Variants in TGM4 observed in about 807,000 individuals in gnomAD.
The protein encoded by TGM4 is transglutaminase 4.
A neutral mutation model predicts 76.3 loss-of-function variants in TGM4; 61 were observed. The ratio of observed to expected loss-of-function variants is 0.80; its 90% CI spans 0.65 to 0.99. The LOEUF is 0.99. Ranked by LOEUF, TGM4 falls within the 50% of genes least tolerant of loss-of-function variation. The probability of loss-of-function intolerance (pLI) is 0.00; values close to 1 mark genes in which losing one functional copy is unlikely to be tolerated. For missense variants in TGM4, 794 were observed against 843.2 expected (o/e 0.94, Z 0.72); for synonymous variants, 337 against 329.8 (o/e 1.02, Z -0.24).
Position 44,898,309 on chromosome 3 carries a change from G to T in TGM4, c.657+1493G>T, listed in dbSNP as rs544399636. On this transcript the variant is annotated intron_variant, in intron 6 of 13. Coordinates refer to ENST00000296125, the MANE Select transcript of TGM4 (RefSeq NM_003241.4). ...AAAAAAAAAAAAAAAGAAGCGGGGC[G>T]GGGGCAGGAATATTCCCATAGCCTT... Among the ~76,000 whole-genome samples the T allele has an allele frequency of 4.6e-5, 7 of 151,828 alleles. No individual in the cohort carries two copies. The South Asian group carries it at 6.2e-4, about 14-fold the overall frequency.
chr3:44,907,185 T>C lies in TGM4; in HGVS notation c.1312T>C (p.Tyr438His), dbSNP rs757935268. 2 of 1,613,218 alleles carry C rather than the reference T, an allele frequency of 1.2e-6. No homozygotes were observed. Among genetic ancestry groups the C allele is most frequent in the East Asian group, 2.2e-5 (1 of 44,814 alleles). The change falls in exon 10 of 14, where the codon TAC (tyrosine) becomes CAC (histidine). Residue 438 changes from tyrosine (Y) to histidine (H), a missense_variant. Coordinates refer to ENST00000296125, the MANE Select transcript of TGM4 (RefSeq NM_003241.4). ...QDRRRDITYEYKYPEGSSEER... is the reference protein window; with the variant it reads ...QDRRRDITYEHKYPEGSSEER... ...CAGGCGGAGAGATATCACCTATGAG[T>C]ACAAGTATCCAGAAGGTGCTAGCAT...
chr3:44,911,242 C>T (rs376897738), intron 12 of TGM4, 28 bp from the exon 13 acceptor site: 3 of 1,613,612 alleles, frequency 1.9e-6, no homozygotes, highest in African/African-American at 2.7e-5. Flanking sequence ...ATCTTCTCTC[C>T]CCATCTCTCC....
intron 1 of TGM4, among the ~76,000 whole-genome samples, chr3:44,879,585 G>A (rs906520666): frequency 6.6e-5 from 10 of 150,774 alleles, no homozygotes; most frequent in Admixed American, 4.0e-4. Flanking sequence ...CCATTCTCCC[G>A]ACTCAGCCTC....
chr3:44,909,605 A>G (rs1271412702), intron 10 of TGM4, among the ~76,000 whole-genome samples: 1 of 152,148 alleles, frequency 6.6e-6, no homozygotes, highest in Non-Finnish European at 1.5e-5. Context: ...GGAACTCCAA[A>G]ACCATTCTGT....
chr3:44,908,326 T>G (rs574925682), intron 10 of TGM4, among the ~76,000 whole-genome samples: 1 of 152,292 alleles, frequency 6.6e-6, no homozygotes, highest in Non-Finnish European at 1.5e-5. Flanking sequence ...ATCCTCAGGG[T>G]TGTGTTGAAA....
intron 1 of TGM4, among the ~76,000 whole-genome samples, chr3:44,878,944 C>T (rs1699489432): frequency 6.6e-6 from 1 of 152,090 alleles, no homozygotes; most frequent in Non-Finnish European, 1.5e-5. Flanking sequence ...CCCTTTTCAT[C>T]CAAGACTCCG....
chr3:44,890,424 A>G lies in TGM4; in HGVS notation c.301-179A>G, dbSNP rs1188282436. ...CTGTATGGAGCTGCTTTTCTGTCTC[A>G]TGCATCCTGCCCTTGCAGGGGCGCT... On this transcript the variant is annotated intron_variant, in intron 3 of 13. Transcript: ENST00000296125. 23 of 774,446 alleles carry G rather than the reference A, an allele frequency of 3.0e-5. No homozygotes were observed. In the Admixed American group the frequency reaches 5.4e-4, roughly 18 times the overall value. 48.0% of individuals were successfully genotyped at this position (774,446 alleles called of 1,614,324 possible).
rs999469205 is a variant in TGM4 at position 44,875,267 on chromosome 3, G to A, written c.19+570G>A. ...GGGTTAGGCTTTGCATTCCGTTGTT[G>A]TGCCTCTTCGGTCTCCTTTGTCTGG... On this transcript the variant is annotated intron_variant, in intron 1 of 13. Coordinates refer to ENST00000296125, the MANE Select transcript of TGM4 (RefSeq NM_003241.4). 2.0e-5 allele frequency among the ~76,000 whole-genome samples: 3 copies of A among 152,190 alleles called. No individual in the cohort carries two copies. The South Asian group carries it at 6.2e-4, about 32-fold the overall frequency.
At chr3:44,875,338 T>A (rs989547610) in intron 1 of TGM4, among the ~76,000 whole-genome samples, 2 of 152,246 alleles carry the variant, frequency 1.3e-5, no homozygotes, top group African/African-American at 4.8e-5. Context: ...TCAACACTTT[T>A]GAAGAGTACA....
At chr3:44,890,480 G>T (rs1413977779) in intron 3 of TGM4, 123 bp from the exon 4 acceptor site, 17 of 1,399,588 alleles carry the variant, frequency 1.2e-5, no homozygotes, top group Non-Finnish European at 1.6e-5. Flanking sequence ...ACCATTCCTT[G>T]TCTCCAGGCT....
chr3:44,913,470 T>C, intron 13 of TGM4, 114 bp from the exon 14 acceptor site: 1 of 1,394,982 alleles, frequency 7.2e-7, no homozygotes, highest in Non-Finnish European at 9.6e-7. Context: ...GCCAGGACTT[T>C]TCAAAGAGGC....
intron 10 of TGM4, among the ~76,000 whole-genome samples, chr3:44,909,529 T>A (rs1346079314): frequency 6.6e-6 from 1 of 152,194 alleles, no homozygotes; most frequent in Non-Finnish European, 1.5e-5. Context: ...ACTCTGTGAA[T>A]GAGGGTTTCC....
At chr3:44,882,057 C>CAT (rs567107672) in intron 1 of TGM4, among the ~76,000 whole-genome samples, 1 of 104,620 alleles carries the variant, frequency 9.6e-6, no homozygotes, top group Non-Finnish European at 1.8e-5. Flanking sequence ...AATACAAACG[C>CAT]TTTTTTTTTT....
intron 1 of TGM4, among the ~76,000 whole-genome samples, chr3:44,876,991 G>A (rs563679288): frequency 1.3e-5 from 2 of 152,286 alleles, no homozygotes; most frequent in African/African-American, 2.4e-5. Context: ...TACTTGTAAC[G>A]AGGGTGGTCA....
chr3:44,887,852 ATG>A, intron 3 of TGM4, 57 bp downstream of exon 3: 1 of 1,471,830 alleles, frequency 6.8e-7, no homozygotes, highest in Non-Finnish European at 9.5e-7. Flanking sequence ...AATGCTCCTA[ATG>A]TGAGCAGCCC....
chr3:44,897,129 G>A (rs777571283), intron 6 of TGM4, among the ~76,000 whole-genome samples: 3 of 150,940 alleles, frequency 2.0e-5, no homozygotes, highest in Admixed American at 1.3e-4. Flanking sequence ...CTCAGCCTCC[G>A]GAGTAGCTGG....
intron 6 of TGM4, chr3:44,899,797 G>A (rs1699828018): frequency 1.3e-5 from 2 of 152,312 alleles, no homozygotes; most frequent in Admixed American, 1.3e-4. Flanking sequence ...CTCTGGGGGA[G>A]GACCTACTTC....
chr3:44,884,728 C>A (rs180709516), intron 1 of TGM4, among the ~76,000 whole-genome samples: 1 of 152,310 alleles, frequency 6.6e-6, no homozygotes, highest in East Asian at 1.9e-4. Flanking sequence ...AGGCTTCACC[C>A]CAGCCACTTT....
chr3:44,901,898 A>C lies in TGM4; in HGVS notation c.938A>C (p.Glu313Ala). 1 of 1,614,190 alleles carries C rather than the reference A, an allele frequency of 6.2e-7. No homozygotes were observed. The highest frequency in any genetic ancestry group is 8.5e-7 in the Non-Finnish European group (1 of 1,180,004). Reference sequence around the variant, plus strand: ...GACACCTATGTGAATGAGAATGGCGAGAAAATCACCAGTATGACCCACGAC... The same window carrying C: ...GACACCTATGTGAATGAGAATGGCGCGAAAATCACCAGTATGACCCACGAC... ...TVDTYVNENG[E>A]KITSMTHDSV... Residue 313 changes from glutamate to alanine, a missense_variant, in exon 8 of 14, where the codon GAG (glutamate) becomes GCG (alanine). Coordinates refer to ENST00000296125, the MANE Select transcript of TGM4 (RefSeq NM_003241.4).
Sources: gnomAD v4.1 joint callset for allele counts (sites outside exome capture counted in the v4.1 genomes callset) on GRCh38, gnomAD v4.1.1 for gene constraint, MANE v1.5 for transcripts, NCBI Gene and HGNC (gene_info 2026-07-23, HGNC 2026-07-21) for gene names.